The following FBXO36 variants were observed in gnomAD, a reference collection of about 807,000 sequenced individuals.
FBXO36 encodes the protein F-box protein 36.
Under a neutral mutation model 17.0 loss-of-function variants are expected in FBXO36, and 18 were observed. That is an observed-to-expected ratio of 1.06 (90% CI 0.73 to 1.57). The LOEUF is 1.57. Ranked by LOEUF, FBXO36 falls within the 40% of genes most tolerant of loss-of-function variation. The pLI, the probability that FBXO36 is intolerant of heterozygous loss-of-function variation, is 0.00. For missense variants in FBXO36, 229 were observed against 221.9 expected (o/e 1.03, Z -0.20); for synonymous variants, 83 against 85.3 (o/e 0.97, Z 0.15).
At chr2:229,989,880 T>C (rs904598706) in intron 2 of FBXO36, among the ~76,000 whole-genome samples, 2 of 152,112 alleles carry the variant, frequency 1.3e-5, no homozygotes, top group Non-Finnish European at 2.9e-5. Context: ...GCTCATGATG[T>C]ATTTTTATAT....
chr2:229,934,874 T>C (rs1002398443), intron 1 of FBXO36, among the ~76,000 whole-genome samples: 1 of 152,136 alleles, frequency 6.6e-6, no homozygotes, highest in Non-Finnish European at 1.5e-5. Flanking sequence ...AGGCTGGTCT[T>C]GAACTCCTGA....
intron 2 of FBXO36, among the ~76,000 whole-genome samples, chr2:229,988,853 T>G (rs993965837): frequency 6.6e-6 from 1 of 150,992 alleles, no homozygotes; most frequent in African/African-American, 2.4e-5. Flanking sequence ...TGTTTTTTTT[T>G]TTTTACCGCA....
At chr2:229,962,577 C>T (rs114887519) in intron 1 of FBXO36, among the ~76,000 whole-genome samples, 3,783 of 148,800 alleles carry the variant, frequency 0.025, 81 homozygotes, top group Non-Finnish European at 0.04. Flanking sequence ...ACTGTGTTAT[C>T]CATGCTAGTC....
chr2:230,003,856 T>C lies in FBXO36; in HGVS notation c.379-6840T>C, dbSNP rs139183861. On this transcript the variant is annotated intron_variant, in intron 3 of 3. Transcript: ENST00000283946. ...ACCAAGTCTTCTGCTTCTTGACTCA[T>C]CTCTGCTTCCAGGACTCTGGTGGGT... 2.0e-3 allele frequency among the ~76,000 whole-genome samples: 304 copies of C among 152,314 alleles called. 2 individuals carry two copies. The highest frequency in any genetic ancestry group is 7.1e-3 in the African/African-American group (296 of 41,572).
At position 230,010,921 on chromosome 2, in the gene FBXO36, G is replaced by T; in HGVS notation, c.*37G>T. 1 of 1,552,340 alleles carries T rather than the reference G, an allele frequency of 6.4e-7. No homozygotes were observed. The highest frequency in any genetic ancestry group is 8.7e-7 in the Non-Finnish European group (1 of 1,145,052). On this transcript the variant is annotated 3_prime_UTR_variant, in exon 4 of 4. Coordinates refer to ENST00000283946, the MANE Select transcript of FBXO36 (RefSeq NM_174899.5). ...CCTACCAGCAGGGAGCTCAGGCATGGCTGTGTTTCTCTTCAGTGTCCAAAT... is the reference window on the plus strand; with the variant it reads ...CCTACCAGCAGGGAGCTCAGGCATGTCTGTGTTTCTCTTCAGTGTCCAAAT...
Position 229,922,699 on chromosome 2 carries a change from AC to A in FBXO36, c.96+92del, listed in dbSNP as rs1214712088. The A allele has an allele frequency of 9.5e-6, 13 of 1,365,192 alleles. No homozygotes were observed. The East Asian group carries it at 3.3e-4, about 34-fold the overall frequency. The allele number at this position is 1,365,192 out of a possible 1,614,324, so 84.6% of individuals were successfully genotyped here. A position where few individuals can be genotyped will look rare whatever the true frequency, so the allele number is the denominator to read the frequency against. The stretch of plus-strand genomic sequence containing the variant: ...CGCAGGCTGTGCTAGGCCAAGAGCA[AC>A]CGTAGCCCGCCGGAAGCGCCCAGTC... On this transcript the variant is annotated intron_variant, in intron 1 of 3. Coordinates refer to ENST00000283946, the MANE Select transcript of FBXO36 (RefSeq NM_174899.5).
chr2:229,932,543 G>A (rs1208773420), intron 1 of FBXO36, among the ~76,000 whole-genome samples: 1 of 151,756 alleles, frequency 6.6e-6, no homozygotes, highest in African/African-American at 2.4e-5. Flanking sequence ...AGCTGGATAT[G>A]GTGGCGCACT....
intron 2 of FBXO36, among the ~76,000 whole-genome samples, chr2:229,993,845 A>G (rs1454734183): frequency 2.0e-5 from 3 of 152,044 alleles, no homozygotes; most frequent in Admixed American, 6.6e-5. Flanking sequence ...ATCTCAGCTC[A>G]CTGCAACCTC....
chr2:229,939,976 G>A (rs1560433336), intron 1 of FBXO36, among the ~76,000 whole-genome samples: 3 of 152,112 alleles, frequency 2.0e-5, no homozygotes, highest in Admixed American at 1.3e-4. Context: ...CCAGCTACTT[G>A]GAGGAGAGGT....
At chr2:229,939,658 C>A (rs530896618) in intron 1 of FBXO36, among the ~76,000 whole-genome samples, 2 of 152,214 alleles carry the variant, frequency 1.3e-5, no homozygotes, top group African/African-American at 4.8e-5. Context: ...AAAGTCGTTT[C>A]CACATTAATA....
chr2:229,977,740 G>A (rs1446628121), intron 2 of FBXO36, among the ~76,000 whole-genome samples: 1 of 152,142 alleles, frequency 6.6e-6, no homozygotes, highest in Non-Finnish European at 1.5e-5. Context: ...GTGAGCCACT[G>A]CACCCGGCCA....
chr2:229,998,381 G>A (rs1269111312), intron 3 of FBXO36, among the ~76,000 whole-genome samples: 2 of 152,146 alleles, frequency 1.3e-5, no homozygotes, highest in Admixed American at 6.6e-5. Context: ...CCAGCACTTT[G>A]GGAGGCTGAG....
At chr2:229,961,836 A>G (rs1036228321) in intron 1 of FBXO36, among the ~76,000 whole-genome samples, 12 of 152,092 alleles carry the variant, frequency 7.9e-5, no homozygotes, top group African/African-American at 2.4e-4. Context: ...ATGCCTCTCA[A>G]TTTGTTCAGG....
intron 1 of FBXO36, among the ~76,000 whole-genome samples, chr2:229,924,045 T>C (rs1459952318): frequency 2.0e-5 from 3 of 149,842 alleles, no homozygotes; most frequent in African/African-American, 7.4e-5. Flanking sequence ...CGCCCGGCCT[T>C]GTACATTTTT....
intron 1 of FBXO36, among the ~76,000 whole-genome samples, chr2:229,970,317 C>T (rs1325872818): frequency 6.6e-6 from 1 of 152,002 alleles, no homozygotes; most frequent in Non-Finnish European, 1.5e-5. Context: ...CCCAGGAGCT[C>T]GAGACCAGCC....
At chr2:229,951,471 T>G (rs1251086106) in intron 1 of FBXO36, among the ~76,000 whole-genome samples, 1 of 149,918 alleles carries the variant, frequency 6.7e-6, no homozygotes, top group East Asian at 2.0e-4. Context: ...CTTGAACTCC[T>G]CATCTCAGGT....
chr2:229,948,832 A>T (rs2077040474), intron 1 of FBXO36, among the ~76,000 whole-genome samples: 3 of 151,850 alleles, frequency 2.0e-5, no homozygotes, highest in African/African-American at 7.3e-5. Flanking sequence ...ATTTTATTTT[A>T]TTTTATTTTT....
chr2:229,999,024 G>A (rs963822566), intron 3 of FBXO36, among the ~76,000 whole-genome samples: 3 of 151,024 alleles, frequency 2.0e-5, no homozygotes, highest in Non-Finnish European at 2.9e-5. Flanking sequence ...GGATGGTCTC[G>A]ATCTCCTGAC....
intron 2 of FBXO36, among the ~76,000 whole-genome samples, chr2:229,978,004 C>T (rs1373366771): frequency 6.6e-6 from 1 of 152,106 alleles, no homozygotes; most frequent in Non-Finnish European, 1.5e-5. Flanking sequence ...GTAATCCTTG[C>T]ACTTTGGGAG....
Sources: gnomAD v4.1 joint callset for allele counts (sites outside exome capture counted in the v4.1 genomes callset) on GRCh38, gnomAD v4.1.1 for gene constraint, MANE v1.5 for transcripts, NCBI Gene and HGNC (gene_info 2026-07-23, HGNC 2026-07-21) for gene names.